SND1: variants seen among roughly 807,000 people sequenced by gnomAD.
SND1 encodes the protein staphylococcal nuclease and tudor domain containing 1.
A neutral mutation model predicts 121.7 loss-of-function variants in SND1; 38 were observed. The observed-to-expected ratio is 0.31, with a 90% CI of 0.24 to 0.41. The LOEUF is 0.41. Among genes scored for constraint, SND1 ranks in the 10% least tolerant of loss-of-function variants. The probability of loss-of-function intolerance (pLI) is 1.00; values close to 1 mark genes in which losing one functional copy is unlikely to be tolerated. For synonymous variants in SND1, 401 were observed against 447.4 expected (o/e 0.90, Z 1.31); for missense variants, 868 against 1,184.6 (o/e 0.73, Z 3.92).
At chr7:127,963,432 T>A (rs1327206495) in intron 15 of SND1, among the ~76,000 whole-genome samples, 1 of 135,952 alleles carries the variant, frequency 7.4e-6, no homozygotes, top group Non-Finnish European at 1.6e-5. Context: ...GTCCCCAGAG[T>A]GTGATATTCC....
intron 11 of SND1, among the ~76,000 whole-genome samples, chr7:127,820,609 A>C (rs555918542): frequency 6.6e-6 from 1 of 152,214 alleles, no homozygotes; most frequent in African/African-American, 2.4e-5. Context: ...TAGAATTGAT[A>C]GTCTTTTTTA....
At chr7:128,020,406 A>C (rs1803321850) in intron 16 of SND1, among the ~76,000 whole-genome samples, 1 of 152,216 alleles carries the variant, frequency 6.6e-6, no homozygotes, top group East Asian at 1.9e-4. Flanking sequence ...GGCGCTCAGC[A>C]ATTGCGCTAG....
intron 15 of SND1, among the ~76,000 whole-genome samples, chr7:127,990,313 C>A (rs1175308525): frequency 6.6e-6 from 1 of 152,098 alleles, no homozygotes; most frequent in Admixed American, 6.5e-5. Context: ...AACTGGGTTT[C>A]TTTGGCTCCA....
chr7:127,657,593 A>T (rs1795233485), intron 1 of SND1, among the ~76,000 whole-genome samples: 1 of 152,124 alleles, frequency 6.6e-6, no homozygotes, highest in Non-Finnish European at 1.5e-5. Context: ...CCTGGGCTCA[A>T]GGGATCCTCC....
At chr7:128,023,868 TATATA>T (rs1803415070) in intron 16 of SND1, among the ~76,000 whole-genome samples, 1 of 152,212 alleles carries the variant, frequency 6.6e-6, no homozygotes, top group South Asian at 2.1e-4. Context: ...CACACATACA[TATATA>T]ATTATATATG....
intron 1 of SND1, among the ~76,000 whole-genome samples, chr7:127,682,475 G>A (rs577858615): frequency 1.8e-4 from 27 of 152,256 alleles, no homozygotes; most frequent in African/African-American, 6.5e-4. Context: ...TGCTGTATCA[G>A]GTAGTTCTAA....
chr7:127,738,000 T>C (rs2116426752), intron 10 of SND1, among the ~76,000 whole-genome samples: 1 of 152,342 alleles, frequency 6.6e-6, no homozygotes, highest in East Asian at 1.9e-4. Context: ...GTTTGATGCC[T>C]GGAAAGCATA....
At chr7:127,690,748 A>G (rs1029395657) in intron 2 of SND1, among the ~76,000 whole-genome samples, 5 of 152,200 alleles carry the variant, frequency 3.3e-5, no homozygotes, top group African/African-American at 9.6e-5. Context: ...AGATTGTGCA[A>G]TGTGGCACTA....
At chr7:127,871,896 C>T (rs1799596197) in intron 12 of SND1, among the ~76,000 whole-genome samples, 1 of 151,996 alleles carries the variant, frequency 6.6e-6, no homozygotes, top group Non-Finnish European at 1.5e-5. Context: ...TTTGGGAGGC[C>T]GAGGCAGGAA....
At chr7:127,708,411 C>A (rs1012795513) in intron 9 of SND1, among the ~76,000 whole-genome samples, 2 of 20,426 alleles carry the variant, frequency 9.8e-5, no homozygotes, top group African/African-American at 1.5e-4. Flanking sequence ...CCCTTCCTCC[C>A]TTCCTGCCTT....
rs1168577449 is a variant in SND1, at chr7:127,873,553, C to G, written c.1344-14349C>G. ...CCTAACTGTGTCACCTACCTCTCAC[C>G]CTGGGCCTGGGCTCCGGTGTTTCCT... is the stretch of plus-strand genomic sequence containing the variant. On this transcript the variant is annotated intron_variant, in intron 12 of 23. Coordinates refer to ENST00000354725, the MANE Select transcript of SND1 (RefSeq NM_014390.4). Among the ~76,000 whole-genome samples, 3 of 152,120 alleles carry G rather than the reference C, an allele frequency of 2.0e-5. No homozygotes were observed. In the East Asian group the frequency reaches 5.8e-4, roughly 29 times the overall value.
intron 16 of SND1, among the ~76,000 whole-genome samples, chr7:128,046,607 G>A (rs1432331712): frequency 6.6e-6 from 1 of 151,828 alleles, no homozygotes; most frequent in East Asian, 1.9e-4. Flanking sequence ...CAAGTGATCT[G>A]CCCGCCTTGA....
At chr7:127,979,062 T>C (rs1366548290) in intron 15 of SND1, among the ~76,000 whole-genome samples, 4 of 152,172 alleles carry the variant, frequency 2.6e-5, no homozygotes, top group Non-Finnish European at 5.9e-5. Flanking sequence ...AAGGGGCAAA[T>C]AGTAAATATC....
intron 10 of SND1, among the ~76,000 whole-genome samples, chr7:127,790,490 A>G (rs1797887919): frequency 6.6e-6 from 1 of 152,242 alleles, no homozygotes; most frequent in Admixed American, 6.5e-5. Flanking sequence ...TAGTTAAATT[A>G]GAGTTCACCT....
chr7:127,928,856 G>T (rs997795227), intron 14 of SND1, among the ~76,000 whole-genome samples: 1 of 152,194 alleles, frequency 6.6e-6, no homozygotes, highest in Non-Finnish European at 1.5e-5. Context: ...CTCCCAAAGT[G>T]CTGGGATTGC....
At chr7:127,670,365 A>G (rs911971098) in intron 1 of SND1, among the ~76,000 whole-genome samples, 1 of 150,204 alleles carries the variant, frequency 6.7e-6, no homozygotes, top group African/African-American at 2.5e-5. Flanking sequence ...CCATCCTCCT[A>G]CCTCAGCCTC....
intron 15 of SND1, among the ~76,000 whole-genome samples, chr7:127,976,528 C>G (rs571133023): frequency 6.6e-6 from 1 of 152,366 alleles, no homozygotes; most frequent in African/African-American, 2.4e-5. Flanking sequence ...GGCTAAAAAG[C>G]TTCCGTTGAG....
At chr7:128,030,063 T>G (rs994885092) in intron 16 of SND1, 26 of 1,613,238 alleles carry the variant, frequency 1.6e-5, no homozygotes, top group African/African-American at 1.3e-5. Flanking sequence ...GAACAGCCCC[T>G]CAAAAGCTCC....
chr7:128,077,521 G>A (rs530574053), intron 17 of SND1, among the ~76,000 whole-genome samples: 94 of 152,338 alleles, frequency 6.2e-4, no homozygotes, highest in African/African-American at 2.2e-3. Context: ...AGGCAGGAGG[G>A]GCCTCCATCC....
Sources: gnomAD v4.1 joint callset for allele counts (sites outside exome capture counted in the v4.1 genomes callset) on GRCh38, gnomAD v4.1.1 for gene constraint, MANE v1.5 for transcripts, NCBI Gene and HGNC (gene_info 2026-07-23, HGNC 2026-07-21) for gene names.